SYCP1: variants seen among roughly 807,000 people sequenced by gnomAD.
SYCP1 encodes synaptonemal complex protein 1.
SYCP1 carries 64 observed loss-of-function variants against 153.1 expected under a neutral mutation model. The ratio of observed to expected loss-of-function variants is 0.42; its 90% CI spans 0.34 to 0.51. SYCP1 has a LOEUF of 0.51. Among genes scored for constraint, SYCP1 ranks in the 20% least tolerant of loss-of-function variants. The pLI is 0.06. For synonymous variants in SYCP1, 384 were observed against 341.8 expected (o/e 1.12, Z -1.36); for missense variants, 997 against 1,049.0 (o/e 0.95, Z 0.68).
intron 16 of SYCP1, among the ~76,000 whole-genome samples, chr1:114,901,525 T>C (rs1214771932): frequency 6.6e-6 from 1 of 152,134 alleles, no homozygotes; most frequent in African/African-American, 2.4e-5. Flanking sequence ...TATGCAGATA[T>C]GAAACCATAA....
chr1:114,858,624 A>G lies in SYCP1; in HGVS notation c.369A>G (p.Thr123=). 6.2e-7 allele frequency: 1 copy of G among 1,613,320 alleles called. No homozygotes were observed. ...AGATAAAAAAATGGAAAGTAAGTAC[A>G]GAAGCTGAACTGAGACAGAAAGAAA... ...AEKIKKWKVS[T]EAELRQKESK... The change falls in exon 6 of 32, where the codon ACA becomes ACG. Residue 123 remains threonine (T), a synonymous_variant. Transcript: ENST00000369522.
chr1:114,893,564 T>G (rs1021260335), intron 15 of SYCP1, among the ~76,000 whole-genome samples: 2 of 152,234 alleles, frequency 1.3e-5, no homozygotes, highest in African/African-American at 4.8e-5. Flanking sequence ...AATATCTGTT[T>G]CTGTTCACTC....
At position 114,946,459 on chromosome 1, in the gene SYCP1, G is replaced by C. The variant is rs1670715794; in HGVS notation, c.2247+78G>C. ...GACTGGTGGTAAAGAATAATATTAAGTAAAACTAATTTTTGAGCTATAGAA... is the reference window on the plus strand; with the variant it reads ...GACTGGTGGTAAAGAATAATATTAACTAAAACTAATTTTTGAGCTATAGAA... On this transcript the variant is annotated intron_variant, in intron 26 of 31. Coordinates refer to ENST00000369522, the MANE Select transcript of SYCP1 (RefSeq NM_003176.4). The C allele has an allele frequency of 3.6e-6, 3 of 829,902 alleles. No individual in the cohort carries two copies. The South Asian group carries it at 5.2e-5, about 14-fold the overall frequency. The allele number at this position is 829,902 out of a possible 1,614,324, so 51.4% of individuals were successfully genotyped here.
At chr1:114,947,811 CAAAAAAAAAAAAAAAAAAAA>C (rs1174716918) in intron 27 of SYCP1, among the ~76,000 whole-genome samples, 1 of 43,876 alleles carries the variant, frequency 2.3e-5, no homozygotes, top group Non-Finnish European at 3.7e-5. Context: ...GACTCCGTCT[CAAAAAAAAAAAAAAAAAAAA>C]AAAAAAAAAA....
intron 13 of SYCP1, 57 bp from the exon 14 acceptor site, chr1:114,886,068 C>G (rs1666275868): frequency 8.1e-7 from 1 of 1,228,512 alleles, no homozygotes; most frequent in African/African-American, 1.6e-5. Context: ...ATAAGTTCAG[C>G]TTTTTTGGTT....
intron 11 of SYCP1, 98 bp from the exon 12 acceptor site, chr1:114,877,996 G>T: frequency 1.4e-6 from 1 of 715,026 alleles, no homozygotes; most frequent in Non-Finnish European, 2.2e-6. Context: ...CAGCTGAAAA[G>T]CATGTAGACA....
intron 27 of SYCP1, among the ~76,000 whole-genome samples, chr1:114,960,952 C>A (rs1309710628): frequency 6.6e-6 from 1 of 152,176 alleles, no homozygotes; most frequent in East Asian, 1.9e-4. Context: ...GAATGTCTGA[C>A]AGAATTCAAC....
At chr1:114,993,804 G>A (rs1358927652) in intron 30 of SYCP1, among the ~76,000 whole-genome samples, 8 of 151,214 alleles carry the variant, frequency 5.3e-5, no homozygotes, top group African/African-American at 1.7e-4. Flanking sequence ...ATAATGTTGT[G>A]TAACCATCAC....
intron 30 of SYCP1, among the ~76,000 whole-genome samples, 195 bp from the exon 31 acceptor site, chr1:114,994,503 C>T (rs1674141301): frequency 6.6e-6 from 1 of 151,224 alleles, no homozygotes; most frequent in Non-Finnish European, 1.5e-5. Flanking sequence ...TATTTTGTTA[C>T]TGTTTTCTTT....
chr1:114,981,231 C>T (rs1014408216), intron 28 of SYCP1, 105 bp from the exon 29 acceptor site: 128 of 837,980 alleles, frequency 1.5e-4, no homozygotes, highest in Non-Finnish European at 1.4e-4. Flanking sequence ...GATAAATTTG[C>T]TTATTTTGTT....
intron 16 of SYCP1, among the ~76,000 whole-genome samples, chr1:114,903,010 T>G (rs1321357256): frequency 6.6e-6 from 1 of 152,032 alleles, no homozygotes; most frequent in Non-Finnish European, 1.5e-5. Flanking sequence ...CAAAACCCTG[T>G]CTCTACTAAA....
In SYCP1 at chr1:114,995,284, A is replaced by G. The variant is rs1674207776; in HGVS notation, c.*265A>G. ...GAAAACTGTTTTTACTAAGTTTTCA[A>G]ATTTGTAAAGTTAGCCTTTGAATGC... On this transcript the variant is annotated 3_prime_UTR_variant, in exon 32 of 32. Transcript: ENST00000369522. The G allele has an allele frequency of 4.1e-6, 1 of 243,866 alleles. No individual in the cohort carries two copies. The highest frequency in any genetic ancestry group is 7.8e-6 in the Non-Finnish European group (1 of 127,848). The allele number at this position is 243,866 out of a possible 1,614,324, so 15.1% of individuals were successfully genotyped here. A position where few individuals can be genotyped will look rare whatever the true frequency, so the allele number is the denominator to read the frequency against.
At chr1:114,922,706 C>G (rs539439643) in intron 20 of SYCP1, among the ~76,000 whole-genome samples, 3 of 152,032 alleles carry the variant, frequency 2.0e-5, no homozygotes, top group Admixed American at 6.6e-5. Flanking sequence ...TGCACTTCCC[C>G]GCACCCAAAT....
chr1:114,977,046 A>G (rs1311180354), intron 27 of SYCP1, among the ~76,000 whole-genome samples: 1 of 151,718 alleles, frequency 6.6e-6, no homozygotes, highest in Non-Finnish European at 1.5e-5. Flanking sequence ...AATTCTATCT[A>G]ATGATATTAG....
intron 23 of SYCP1, among the ~76,000 whole-genome samples, chr1:114,940,802 G>T (rs1670335683): frequency 6.6e-6 from 1 of 151,846 alleles, no homozygotes; most frequent in Non-Finnish European, 1.5e-5. Flanking sequence ...TTATATTTGT[G>T]TATCTTTTTT....
At chr1:114,959,143 G>C (rs1212093099) in intron 27 of SYCP1, among the ~76,000 whole-genome samples, 13 of 151,814 alleles carry the variant, frequency 8.6e-5, no homozygotes, top group Admixed American at 8.5e-4. Flanking sequence ...TAGTTTAAAG[G>C]TTGTTTTGTT....
At chr1:114,866,563 A>G (rs1664761339) in intron 8 of SYCP1, among the ~76,000 whole-genome samples, 1 of 152,182 alleles carries the variant, frequency 6.6e-6, no homozygotes, top group Non-Finnish European at 1.5e-5. Flanking sequence ...AATCAACAAT[A>G]AGAAAAAAGA....
At chr1:114,896,198 A>G (rs1454899131) in intron 16 of SYCP1, among the ~76,000 whole-genome samples, 5 of 152,130 alleles carry the variant, frequency 3.3e-5, no homozygotes, top group African/African-American at 1.2e-4. Flanking sequence ...ATGATGACTG[A>G]TAATTGATTT....
intron 20 of SYCP1, among the ~76,000 whole-genome samples, chr1:114,919,183 G>C (rs1021851480): frequency 6.6e-6 from 1 of 151,764 alleles, no homozygotes; most frequent in South Asian, 2.1e-4. Context: ...TGTTCCTTCC[G>C]TACCCCGTTT....
Sources: allele counts gnomAD v4.1 joint callset (sites outside exome capture counted in the v4.1 genomes callset), GRCh38; gene constraint gnomAD v4.1.1; transcripts MANE v1.5; gene names NCBI Gene and HGNC (gene_info 2026-07-23, HGNC 2026-07-21).